NLN: variants seen among roughly 807,000 people sequenced by gnomAD.
The protein encoded by NLN is neurolysin, mitochondrial.
NLN carries 64 observed loss-of-function variants against 79.9 expected under a neutral mutation model. The observed-to-expected ratio is 0.80, with a 90% confidence interval of 0.65 to 0.99. The LOEUF (loss-of-function observed/expected upper bound fraction) is 0.99. Among genes scored for constraint, NLN ranks in the 50% least tolerant of loss-of-function variants. NLN has a pLI of 0.00. For synonymous variants in NLN, 267 were observed against 296.6 expected, an observed-to-expected ratio of 0.90 and a Z score of 1.02; for missense variants, 835 against 858.7, an observed-to-expected ratio of 0.97 and a Z score of 0.34.
chr5:65,766,278 A>C (rs1561192815), intron 3 of NLN, among the ~76,000 whole-genome samples: 1 of 152,218 alleles, frequency 6.6e-6, no homozygotes. Flanking sequence ...AAAGAGGTTT[A>C]ATTGACTCAC....
intron 9 of NLN, among the ~76,000 whole-genome samples, chr5:65,795,709 C>A (rs560995351): frequency 6.9e-4 from 105 of 152,086 alleles, no homozygotes; most frequent in Non-Finnish European, 1.2e-3. Context: ...TAAATAAAGT[C>A]TATTATCATA....
chr5:65,725,636 T>C (rs921136294), intron 1 of NLN, among the ~76,000 whole-genome samples: 2 of 152,210 alleles, frequency 1.3e-5, no homozygotes, highest in African/African-American at 4.8e-5. Flanking sequence ...CAGTGGCAGA[T>C]AGGATTTTCC....
At chr5:65,749,731 C>T (rs1467511880) in intron 1 of NLN, among the ~76,000 whole-genome samples, 1 of 152,186 alleles carries the variant, frequency 6.6e-6, no homozygotes, top group African/African-American at 2.4e-5. Context: ...TTTGTGACTT[C>T]TATCTTAGTA....
chr5:65,812,821 T>C (rs1308161965), intron 12 of NLN, among the ~76,000 whole-genome samples: 1 of 152,186 alleles, frequency 6.6e-6, no homozygotes. Context: ...GGAGACGCCC[T>C]TTTTCTGTGG....
intron 6 of NLN, among the ~76,000 whole-genome samples, chr5:65,782,488 T>A (rs937248478): frequency 6.6e-6 from 1 of 152,224 alleles, no homozygotes; most frequent in Non-Finnish European, 1.5e-5. Context: ...AAATCTTATA[T>A]ACTGTCTTCT....
intron 1 of NLN, among the ~76,000 whole-genome samples, chr5:65,726,055 T>G (rs1456040735): frequency 6.8e-6 from 1 of 147,148 alleles, no homozygotes; most frequent in Non-Finnish European, 1.5e-5. Flanking sequence ...GAGTTTGCAG[T>G]GCGCCGAGAT....
chr5:65,827,766 C>A lies in NLN; in HGVS notation c.*4851C>A, dbSNP rs1403911605. 1.3e-5 allele frequency: 2 copies of A among 152,234 alleles called. No individual in the cohort carries two copies. The highest frequency in any genetic ancestry group is 2.9e-5 in the Non-Finnish European group (2 of 68,054). The allele number at this position is 152,234 out of a possible 1,614,324, so 9.4% of individuals were successfully genotyped here. A position where few individuals can be genotyped will look rare whatever the true frequency, so the allele number is the denominator to read the frequency against. ...GCAAGGTGGGTCACGCCTGTAATCT[C>A]AGCACTTTGGGATGCCAAGATGGGT... is the stretch of plus-strand genomic sequence containing the variant. On this transcript the variant is annotated 3_prime_UTR_variant, in exon 13 of 13. Coordinates refer to ENST00000380985, the MANE Select transcript of NLN (RefSeq NM_020726.5).
chr5:65,798,576 G>A (rs1178618758), intron 9 of NLN, among the ~76,000 whole-genome samples: 1 of 152,140 alleles, frequency 6.6e-6, no homozygotes, highest in African/African-American at 2.4e-5. Context: ...CAGCTTTGTG[G>A]CCTCTGCTGT....
At chr5:65,803,368 G>A (rs1760332404) in intron 9 of NLN, among the ~76,000 whole-genome samples, 2 of 152,214 alleles carry the variant, frequency 1.3e-5, no homozygotes, top group South Asian at 4.1e-4. Flanking sequence ...GCTCGTCAGT[G>A]CCCAAAGTTC....
At chr5:65,765,295 A>G (rs1370452018) in intron 3 of NLN, among the ~76,000 whole-genome samples, 1 of 152,216 alleles carries the variant, frequency 6.6e-6, no homozygotes, top group African/African-American at 2.4e-5. Context: ...AGGCGGGTGG[A>G]TCACGGGAGG....
intron 1 of NLN, among the ~76,000 whole-genome samples, chr5:65,744,199 C>T (rs767080417): frequency 6.6e-6 from 1 of 152,130 alleles, no homozygotes; most frequent in Non-Finnish European, 1.5e-5. Context: ...GGTCTCACCA[C>T]GTTGCCTAGG....
intron 9 of NLN, among the ~76,000 whole-genome samples, chr5:65,794,340 G>A (rs981655272): frequency 3.3e-5 from 5 of 152,178 alleles, no homozygotes; most frequent in Non-Finnish European, 5.9e-5. Context: ...GCTAGGCATG[G>A]CAGCTCACAC....
At chr5:65,751,463 G>T (rs1759100246) in intron 1 of NLN, among the ~76,000 whole-genome samples, 1 of 152,158 alleles carries the variant, frequency 6.6e-6, no homozygotes, top group African/African-American at 2.4e-5. Flanking sequence ...TGGGGTGGGG[G>T]TTTGTGATGA....
chr5:65,773,134 T>TA (rs1184250642), intron 3 of NLN, among the ~76,000 whole-genome samples: 10 of 143,988 alleles, frequency 6.9e-5, no homozygotes, highest in African/African-American at 2.3e-4. Flanking sequence ...TCTATTTTTT[T>TA]TTTTTTTTTT....
intron 3 of NLN, among the ~76,000 whole-genome samples, chr5:65,774,527 T>A (rs1759637785): frequency 6.6e-6 from 1 of 152,102 alleles, no homozygotes; most frequent in Non-Finnish European, 1.5e-5. Flanking sequence ...TGATCAGCTC[T>A]GGGATAGGAA....
At chr5:65,758,523 C>T in intron 1 of NLN, 44 bp from the exon 2 acceptor site, 1 of 1,442,956 alleles carries the variant, frequency 6.9e-7, no homozygotes, top group Non-Finnish European at 9.6e-7. Flanking sequence ...GACTTTGGAC[C>T]AACAGAAATC....
At position 65,777,561 on chromosome 5, in the gene NLN, A is replaced by G. The variant is rs578101269; in HGVS notation, c.558+27A>G. 4 of 1,371,652 alleles carry G rather than the reference A, an allele frequency of 2.9e-6. No homozygotes were observed. In the East Asian group the frequency reaches 9.2e-5, roughly 32 times the overall value. 85.0% of individuals were successfully genotyped at this position (1,371,652 alleles called of 1,614,324 possible). On this transcript the variant is annotated intron_variant, in intron 4 of 12. Coordinates refer to ENST00000380985, the MANE Select transcript of NLN (RefSeq NM_020726.5). ...TGAGTTTATGTTTTCTTTTCTTATC[A>G]GAAAAAAAAAATGAATAAATAAAAC... is the stretch of plus-strand genomic sequence containing the variant.
chr5:65,816,950 T>C (rs1258568956), intron 12 of NLN, among the ~76,000 whole-genome samples: 1 of 152,136 alleles, frequency 6.6e-6, no homozygotes, highest in Non-Finnish European at 1.5e-5. Context: ...AACCACATGT[T>C]GTTGATGTTA....
At position 65,823,831 on chromosome 5, in the gene NLN, A is replaced by G. The variant is rs1298247828; in HGVS notation, c.*916A>G. ...GTCACAAATGGCTCTGTAGAGAGCC[A>G]TGGGAAGAGAGAGGAGGTGGATGTG... On this transcript the variant is annotated 3_prime_UTR_variant, in exon 13 of 13. Coordinates refer to ENST00000380985, the MANE Select transcript of NLN (RefSeq NM_020726.5). The G allele has an allele frequency of 1.3e-5, 2 of 152,232 alleles. No homozygotes were observed. The highest frequency in any genetic ancestry group is 3.9e-4 in the East Asian group (2 of 5,192). The allele number at this position is 152,232 out of a possible 1,614,324, so 9.4% of individuals were successfully genotyped here.
Sources: gnomAD v4.1 joint callset for allele counts (sites outside exome capture counted in the v4.1 genomes callset) on GRCh38, gnomAD v4.1.1 for gene constraint, MANE v1.5 for transcripts, NCBI Gene and HGNC (gene_info 2026-07-23, HGNC 2026-07-21) for gene names.